ARGLU1: variants seen among roughly 807,000 people sequenced by gnomAD.
The protein encoded by ARGLU1 is arginine and glutamate-rich protein 1.
ARGLU1 carries 9 observed loss-of-function variants against 37.6 expected under a neutral mutation model. The observed-to-expected ratio is 0.24, with a 90% CI of 0.14 to 0.42. The LOEUF is 0.42. Ranked by LOEUF, ARGLU1 falls within the 10% of genes least tolerant of loss-of-function variation. ARGLU1 has a pLI of 1.00. For synonymous variants in ARGLU1, 166 were observed against 138.5 expected (o/e 1.20, Z -1.39); for missense variants, 211 against 359.2 (o/e 0.59, Z 3.34).
rs961914429 is a variant in ARGLU1, at chr13:106,557,970, C to T, written c.574-839G>A. ...GGATGCATGGTCAGGAAATAAAATTCTTCAACTTATTTTTTCTTGGAGAAT... is the reference window on the plus strand; with the variant it reads ...GGATGCATGGTCAGGAAATAAAATTTTTCAACTTATTTTTTCTTGGAGAAT... On this transcript the variant is annotated intron_variant, in intron 2 of 3. Coordinates refer to ENST00000400198, the MANE Select transcript of ARGLU1 (RefSeq NM_018011.4). The surrounding 1 kb of genome is among the most constrained non-coding windows in gnomAD (Gnocchi z 5.0). 142 of 985,226 alleles carry T rather than the reference C, an allele frequency of 1.4e-4. No individual in the cohort carries two copies. Among genetic ancestry groups the T allele is most frequent in the Middle Eastern group, 5.2e-4 (1 of 1,936 alleles). The allele number at this position is 985,226 out of a possible 1,614,324, so 61.0% of individuals were successfully genotyped here.
intron 1 of ARGLU1, among the ~76,000 whole-genome samples, chr13:106,565,379 T>C (rs781239804): frequency 1.3e-4 from 20 of 152,210 alleles, no homozygotes; most frequent in Non-Finnish European, 2.4e-4. Flanking sequence ...TTGCCTGACA[T>C]TGTCATATTC....
intron 2 of ARGLU1, chr13:106,558,425 C>T (rs923548299): frequency 1.0e-6 from 1 of 985,232 alleles, no homozygotes; most frequent in African/African-American, 1.7e-5. Context: ...TGAAAAATGA[C>T]AATGAGTCTT....
intron 3 of ARGLU1, among the ~76,000 whole-genome samples, chr13:106,551,795 C>G (rs1880536697): frequency 6.6e-6 from 1 of 152,140 alleles, no homozygotes; most frequent in African/African-American, 2.4e-5. Context: ...TCTTCAACGC[C>G]AACATTTCCA....
At chr13:106,556,732 C>T (rs551047624) in intron 3 of ARGLU1, among the ~76,000 whole-genome samples, 4 of 152,260 alleles carry the variant, frequency 2.6e-5, no homozygotes, top group African/African-American at 9.6e-5. Flanking sequence ...TACCCCCAAG[C>T]TTTTGTTGTT....
intron 3 of ARGLU1, 108 bp downstream of exon 3, chr13:106,556,940 T>A (rs931854050): frequency 1.1e-6 from 1 of 896,604 alleles, no homozygotes. Context: ...GTCCTGAGAA[T>A]CCCCCCAAAA....
intron 2 of ARGLU1, chr13:106,558,003 G>C (rs1257169816): frequency 7.1e-6 from 7 of 985,308 alleles, no homozygotes; most frequent in Non-Finnish European, 8.4e-6. Context: ...AATTTAATGA[G>C]ATTTTATAAT....
intron 1 of ARGLU1, among the ~76,000 whole-genome samples, chr13:106,561,326 G>A (rs1438717497): frequency 9.2e-5 from 14 of 151,866 alleles, no homozygotes; most frequent in Non-Finnish European, 2.1e-4. Context: ...ACTAATCAAT[G>A]AAACAAGGCT....
In ARGLU1 at chr13:106,557,067, G is replaced by C; in HGVS notation, c.638C>G (p.Ala213Gly). Residue 213 changes from alanine to glycine, a missense_variant, in exon 3 of 4, where the codon GCA (alanine) becomes GGA (glycine). Transcript: ENST00000400198. This position sits in a 1 kb window ranked among gnomAD's most constrained non-coding sequence, Gnocchi z 5.0. ...RILEENNRKIAEAQAKLAEEQ... is the reference protein window; with the variant it reads ...RILEENNRKIGEAQAKLAEEQ... ...ACTTACCAGTTTGGCTTGTGCTTCT[G>C]CAATTTTTCGGTTATTCTCTTCCAG... 1 of 1,613,770 alleles carries C rather than the reference G, an allele frequency of 6.2e-7. No individual in the cohort carries two copies. The highest frequency in any genetic ancestry group is 1.3e-5 in the African/African-American group (1 of 75,018).
rs1211770061 is a variant in ARGLU1 at position 106,557,177 on chromosome 13, T to C, written c.574-46A>G. The C allele has an allele frequency of 3.9e-5, 58 of 1,480,550 alleles. No homozygotes were observed. The highest frequency in any genetic ancestry group is 5.1e-5 in the Non-Finnish European group (54 of 1,064,532). The allele number at this position is 1,480,550 out of a possible 1,614,324, so 91.7% of individuals were successfully genotyped here. The stretch of plus-strand genomic sequence containing the variant: ...AGATATTAGAAAAACAAAATGTTTA[T>C]TTTTATTGATAAATATTTACTAATC... On this transcript the variant is annotated intron_variant, in intron 2 of 3. Coordinates refer to ENST00000400198, the MANE Select transcript of ARGLU1 (RefSeq NM_018011.4). This position sits in a 1 kb window ranked among gnomAD's most constrained non-coding sequence, Gnocchi z 5.0.
At chr13:106,547,529 C>A (rs1880423216) in intron 3 of ARGLU1, among the ~76,000 whole-genome samples, 1 of 151,930 alleles carries the variant, frequency 6.6e-6, no homozygotes, top group African/African-American at 2.4e-5. Flanking sequence ...TATTGTATAG[C>A]CATTAAAAAC....
intron 1 of ARGLU1, among the ~76,000 whole-genome samples, chr13:106,564,894 T>G (rs1181470808): frequency 6.6e-6 from 1 of 152,234 alleles, no homozygotes; most frequent in East Asian, 1.9e-4. Flanking sequence ...GCCACATGGT[T>G]GTTACTGAAA....
chr13:106,567,563 G>C lies in ARGLU1; in HGVS notation c.347+10C>G, dbSNP rs768539446. The C allele has an allele frequency of 6.3e-7, 1 of 1,577,850 alleles. No homozygotes were observed. The highest frequency in any genetic ancestry group is 8.7e-7 in the Non-Finnish European group (1 of 1,147,664). On this transcript the variant is annotated intron_variant, in intron 1 of 3. Transcript: ENST00000400198. This position sits in a 1 kb window ranked among gnomAD's most constrained non-coding sequence, Gnocchi z 4.3. The stretch of plus-strand genomic sequence containing the variant: ...CGCACGCCCCGGTCCCTCCCCGCGC[G>C]GGCACTCACATTTTTCGCTGCCGCT...
intron 3 of ARGLU1, among the ~76,000 whole-genome samples, chr13:106,555,411 G>A (rs1417980622): frequency 6.6e-6 from 1 of 152,086 alleles, no homozygotes; most frequent in African/African-American, 2.4e-5. Context: ...ATCTAAATCT[G>A]TATGATCTAG....
chr13:106,567,801 C>T lies in ARGLU1; in HGVS notation c.119G>A (p.Arg40His). 6 of 1,613,494 alleles carry T rather than the reference C, an allele frequency of 3.7e-6. No homozygotes were observed. Among genetic ancestry groups the T allele is most frequent in the Non-Finnish European group, 5.1e-6 (6 of 1,179,746 alleles). Residue 40 changes from arginine to histidine, a missense_variant, in exon 1 of 4, where the codon CGT (arginine) becomes CAT (histidine). Physicochemically the swap from Arg to His is conservative, Grantham distance 29 (BLOSUM62 0). This residue lies in a region of ARGLU1 where 130 missense variants were observed against 179.8 expected (regional missense o/e 0.72). Transcript: ENST00000400198. This position sits in a 1 kb window ranked among gnomAD's most constrained non-coding sequence, Gnocchi z 4.3. ...CCGTTTACTTTCCCGAGATTTGGAA[C>T]GCTTCCGCACGCGCTCCTTGTCCCG... ...RSRDKERVRK[R>H]SKSRESKRNR...
In ARGLU1 at chr13:106,543,951, C is replaced by T; in HGVS notation, c.*45G>A. ...ACCACTTCAACATGAAGCTACCATA[C>T]AAAGTTTTTCCATTTTTCTTTGTAA... is the stretch of plus-strand genomic sequence containing the variant. On this transcript the variant is annotated 3_prime_UTR_variant, in exon 4 of 4. Coordinates refer to ENST00000400198, the MANE Select transcript of ARGLU1 (RefSeq NM_018011.4). 6.6e-7 allele frequency: 1 copy of T among 1,526,330 alleles called. No homozygotes were observed. Among genetic ancestry groups the T allele is most frequent in the African/African-American group, 1.4e-5 (1 of 69,118 alleles). The allele number at this position is 1,526,330 out of a possible 1,614,324, so 94.5% of individuals were successfully genotyped here.
Position 106,567,112 on chromosome 13 carries a change from T to C in ARGLU1, c.347+461A>G, listed in dbSNP as rs528649589. Among the ~76,000 whole-genome samples, 2 of 152,066 alleles carry C rather than the reference T, an allele frequency of 1.3e-5. No homozygotes were observed. Among genetic ancestry groups the C allele is most frequent in the African/African-American group, 4.8e-5 (2 of 41,414 alleles). On this transcript the variant is annotated intron_variant, in intron 1 of 3. Transcript: ENST00000400198. This position sits in a 1 kb window ranked among gnomAD's most constrained non-coding sequence, Gnocchi z 4.3. ...GTCCTGTCCCAAATTTGAGCTTCAATAGAATGCTTCTGGCCAGCTGTGATT... is the reference window on the plus strand; with the variant it reads ...GTCCTGTCCCAAATTTGAGCTTCAACAGAATGCTTCTGGCCAGCTGTGATT...
intron 3 of ARGLU1, among the ~76,000 whole-genome samples, chr13:106,549,447 T>TA (rs949412527): frequency 6.6e-6 from 1 of 151,856 alleles, no homozygotes; most frequent in Non-Finnish European, 1.5e-5. Flanking sequence ...AACCAATGAA[T>TA]AAAAAAATGA....
intron 1 of ARGLU1, among the ~76,000 whole-genome samples, chr13:106,559,984 G>A (rs180730770): frequency 3.9e-5 from 6 of 152,288 alleles, no homozygotes; most frequent in African/African-American, 1.4e-4. Flanking sequence ...TTTATAATCA[G>A]AGGACAAGTT....
intron 1 of ARGLU1, among the ~76,000 whole-genome samples, chr13:106,562,388 T>C (rs778292283): frequency 6.6e-6 from 1 of 152,124 alleles, no homozygotes; most frequent in South Asian, 2.1e-4. Flanking sequence ...AAATTTATCA[T>C]CATAATCAAT....
Sources: allele counts gnomAD v4.1 joint callset (sites outside exome capture counted in the v4.1 genomes callset), GRCh38; gene constraint gnomAD v4.1.1; regional missense constraint gnomAD v4.1.1; non-coding constraint Gnocchi (gnomAD v3.1); transcripts MANE v1.5; gene names NCBI Gene and HGNC (gene_info 2026-07-23, HGNC 2026-07-21).